Variants in IL16 observed in about 807,000 individuals in gnomAD.
The protein encoded by IL16 is interleukin 16.
In IL16, 67 loss-of-function variants were observed where a neutral mutation model predicts 110.1. The observed-to-expected ratio is 0.61, with a 90% CI of 0.50 to 0.75. The LOEUF is 0.75. IL16 is among the 30% of genes least tolerant of loss of function. The probability of loss-of-function intolerance (pLI) is 0.00; values close to 1 mark genes in which losing one functional copy is unlikely to be tolerated. For missense variants in IL16, 1,545 were observed against 1,655.0 expected (o/e 0.93, Z 1.15); for synonymous variants, 689 against 662.9 (o/e 1.04, Z -0.61).
Position 81,313,097 on chromosome 15 carries a change from G to A in IL16, c.*4299G>A, listed in dbSNP as rs1019997465. 28 of 829,082 alleles carry A rather than the reference G, an allele frequency of 3.4e-5. No individual in the cohort carries two copies. Among genetic ancestry groups the A allele is most frequent in the Middle Eastern group, 3.7e-4 (1 of 2,696 alleles). 51.4% of individuals were successfully genotyped at this position (829,082 alleles called of 1,614,324 possible). A position where few individuals can be genotyped will look rare whatever the true frequency, so the allele number is the denominator to read the frequency against. ...GTGGGGCAGGAGGCAGGAAGGGTGGGCTGCCGCCTCTGGTTGGCATTCTCA... is the reference window on the plus strand; with the variant it reads ...GTGGGGCAGGAGGCAGGAAGGGTGGACTGCCGCCTCTGGTTGGCATTCTCA... On this transcript the variant is annotated 3_prime_UTR_variant, in exon 19 of 19. Transcript: ENST00000683961.
upstream of IL16, among the ~76,000 whole-genome samples, chr15:81,196,302 G>A (rs975184814): frequency 4.6e-5 from 7 of 152,242 alleles, no homozygotes; most frequent in African/African-American, 1.7e-4. Context: ...CACGTAGTAG[G>A]TGTTTAATGA....
intron 1 of IL16, among the ~76,000 whole-genome samples, chr15:81,189,941 C>T (rs1019320496): frequency 2.6e-5 from 4 of 152,222 alleles, no homozygotes; most frequent in African/African-American, 9.6e-5. Context: ...TCCTCAGATA[C>T]TTGTGTGGGC....
In IL16 at chr15:81,292,958, A is replaced by G. The variant is rs568098619; in HGVS notation, c.1823A>G (p.Asp608Gly). The G allele has an allele frequency of 1.5e-5, 25 of 1,614,178 alleles. No homozygotes were observed. In the South Asian group the frequency reaches 2.7e-4, roughly 18 times the overall value. The part of the protein sequence containing the change: ...KPPPRKYFKS[D>G]SDPQKSLEER... Reference sequence around the variant, plus strand: ...CCACCCAGAAAATACTTTAAAAGTGACAGTGACCCTCAGAAGAGTCTGGAA... The same window carrying G: ...CCACCCAGAAAATACTTTAAAAGTGGCAGTGACCCTCAGAAGAGTCTGGAA... The change falls in exon 12 of 19, where the codon GAC (aspartate) becomes GGC (glycine). Residue 608 changes from aspartate (D) to glycine (G), a missense_variant. Coordinates refer to ENST00000683961, the MANE Select transcript of IL16 (RefSeq NM_172217.5).
At position 81,299,584 on chromosome 15, in the gene IL16, A is replaced by C; in HGVS notation, c.2258A>C (p.His753Pro). 6.2e-7 allele frequency: 1 copy of C among 1,614,188 alleles called. No homozygotes were observed. Among genetic ancestry groups the C allele is most frequent in the Non-Finnish European group, 8.5e-7 (1 of 1,180,040 alleles). ...SLNEEEGTQG[H>P]PDGTPPKLDT... ...AATGAAGAAGAAGGGACACAGGGCCACCCAGATGGGACCCCACCAAAGCTG... is the reference window on the plus strand; with the variant it reads ...AATGAAGAAGAAGGGACACAGGGCCCCCCAGATGGGACCCCACCAAAGCTG... The change falls in exon 14 of 19, where the codon CAC (histidine) becomes CCC (proline). Residue 753 changes from histidine to proline, a missense_variant. Around this residue, in one of 3 missense-constraint regions of IL16, gnomAD observed 1,185 missense variants for 1,238.8 expected, o/e 0.96. Transcript: ENST00000683961.
chr15:81,221,337 G>T (rs1567002362), intron 1 of IL16, among the ~76,000 whole-genome samples: 1 of 152,208 alleles, frequency 6.6e-6, no homozygotes, highest in Non-Finnish European at 1.5e-5. Context: ...CCCACCAGAG[G>T]CAGAGAAAAT....
At chr15:81,274,822 A>G (rs569275049) in intron 6 of IL16, among the ~76,000 whole-genome samples, 1 of 152,240 alleles carries the variant, frequency 6.6e-6, no homozygotes, top group Non-Finnish European at 1.5e-5. Flanking sequence ...AGCACTATGC[A>G]GAATTACACA....
intron 2 of IL16, among the ~76,000 whole-genome samples, chr15:81,254,139 AG>A (rs564390618): frequency 6.8e-4 from 104 of 152,334 alleles, no homozygotes; most frequent in Non-Finnish European, 1.2e-3. Context: ...ATGGCATCTG[AG>A]TTCAAAGAGA....
At position 81,225,669 on chromosome 15, in the gene IL16, G is replaced by A. The variant is rs1044869104; in HGVS notation, c.270G>A (p.Gly90=). ...AGGCTGCTCAACTCCAAGCAGCTGG[G>A]AATGATCGAGGCAAGACCTGTAGGA... ...ASEAAQLQAA[G]NDRGKTCRRI... The change falls in exon 2 of 19, where the codon GGG becomes GGA. Residue 90 remains glycine (G), a synonymous_variant. Transcript: ENST00000683961. 6.2e-7 allele frequency: 1 copy of A among 1,613,862 alleles called. No individual in the cohort carries two copies. Among genetic ancestry groups the A allele is most frequent in the Non-Finnish European group, 8.5e-7 (1 of 1,179,936 alleles).
chr15:81,191,246 T>C (rs1895493282), intron 1 of IL16, among the ~76,000 whole-genome samples: 1 of 152,232 alleles, frequency 6.6e-6, no homozygotes, highest in Admixed American at 6.5e-5. Context: ...TCTCTTCCCT[T>C]GGAGAGAACA....
rs150591717 is a variant in IL16, at chr15:81,290,785, C to G, written c.1420+245C>G. Among the ~76,000 whole-genome samples the G allele has an allele frequency of 3.9e-5, 6 of 152,282 alleles. No individual in the cohort carries two copies. In the East Asian group the frequency reaches 1.2e-3, roughly 29 times the overall value. ...TAAATTGCTACAAATGTGCCAGGCT[C>G]TCTCCAGCTCCCGGTGGTCTCCACC... On this transcript the variant is annotated intron_variant, in intron 11 of 18. Transcript: ENST00000683961.
chr15:81,190,153 A>C (rs1324849136), intron 1 of IL16, among the ~76,000 whole-genome samples: 5 of 152,144 alleles, frequency 3.3e-5, no homozygotes, highest in Admixed American at 2.6e-4. Flanking sequence ...AACTGAACAC[A>C]TGGTTCCTGC....
At chr15:81,293,399 G>C (rs930282064) in intron 12 of IL16, among the ~76,000 whole-genome samples, 4 of 152,130 alleles carry the variant, frequency 2.6e-5, no homozygotes, top group African/African-American at 9.7e-5. Flanking sequence ...AGGGAGAATA[G>C]TGGCTTAAAT....
chr15:81,197,597 G>T (rs564232463), intron 1 of IL16, among the ~76,000 whole-genome samples: 1 of 152,224 alleles, frequency 6.6e-6, no homozygotes. Flanking sequence ...TGGGCACAGC[G>T]GGTGGGCATC....
rs761138130 is a variant in IL16, at chr15:81,314,050, CTA to C, written c.*5254_*5255del. On this transcript the variant is annotated 3_prime_UTR_variant, in exon 19 of 19. Coordinates refer to ENST00000683961, the MANE Select transcript of IL16 (RefSeq NM_172217.5). The stretch of plus-strand genomic sequence containing the variant: ...TAGTTTTTTAAAATAAAAATGTTAT[CTA>C]TGTTAACATGCAGTGCATTTTTATG... The C allele has an allele frequency of 1.3e-5, 2 of 151,984 alleles. No individual in the cohort carries two copies. Among genetic ancestry groups the C allele is most frequent in the East Asian group, 3.8e-4 (2 of 5,198 alleles). 9.4% of individuals were successfully genotyped at this position (151,984 alleles called of 1,614,324 possible). A position where few individuals can be genotyped will look rare whatever the true frequency, so the allele number is the denominator to read the frequency against.
At chr15:81,297,181 T>C (rs1395635878) in intron 13 of IL16, 103 bp downstream of exon 13, 21 of 1,127,232 alleles carry the variant, frequency 1.9e-5, no homozygotes, top group Non-Finnish European at 2.6e-5. Flanking sequence ...TGCTCTGCAT[T>C]GACATCACCA....
intron 1 of IL16, among the ~76,000 whole-genome samples, chr15:81,222,377 T>G (rs1223345081): frequency 8.0e-6 from 1 of 125,116 alleles, no homozygotes; most frequent in African/African-American, 2.8e-5. Context: ...CAGGAGGGTT[T>G]TTTTTTTTTT....
rs541274122 is a variant in IL16 at position 81,187,742 on chromosome 15, T to C, written c.40+4846T>C. Reference sequence around the variant, plus strand: ...AGTATGGCACCTGCTTTGTCCTCCTTTGACCGTGGGGGCAGAACCTTTGCC... The same window carrying C: ...AGTATGGCACCTGCTTTGTCCTCCTCTGACCGTGGGGGCAGAACCTTTGCC... On this transcript the variant is annotated intron_variant, in intron 1 of 18. Transcript: ENST00000302987. Among the ~76,000 whole-genome samples, 10 of 152,332 alleles carry C rather than the reference T, an allele frequency of 6.6e-5. No homozygotes were observed. The East Asian group carries it at 1.9e-3, about 29-fold the overall frequency.
At chr15:81,304,469 A>G (rs766314285) in intron 16 of IL16, among the ~76,000 whole-genome samples, 10 of 152,190 alleles carry the variant, frequency 6.6e-5, no homozygotes, top group Non-Finnish European at 1.3e-4. Flanking sequence ...GAAGGCGCAC[A>G]TGTTGGCTGA....
At position 81,266,728 on chromosome 15, in the gene IL16, T is replaced by G. The variant is rs574978697; in HGVS notation, c.564+927T>G. Among the ~76,000 whole-genome samples, 4 of 152,300 alleles carry G rather than the reference T, an allele frequency of 2.6e-5. No individual in the cohort carries two copies. The East Asian group carries it at 5.8e-4, about 22-fold the overall frequency. On this transcript the variant is annotated intron_variant, in intron 4 of 18. Transcript: ENST00000683961. ...AAAGCTCCTGATCTCTCCAAAGGCG[T>G]GGACTTCACATTTTCCCAAATGCCC...
Sources: allele counts gnomAD v4.1 joint callset (sites outside exome capture counted in the v4.1 genomes callset), GRCh38; gene constraint gnomAD v4.1.1; regional missense constraint gnomAD v4.1.1; transcripts MANE v1.5; gene names NCBI Gene and HGNC (gene_info 2026-07-23, HGNC 2026-07-21).